Variants in GPR63 observed in about 807,000 individuals in gnomAD.
The protein encoded by GPR63 is G protein-coupled receptor 63, also known as probable G protein-coupled receptor 63.
Under a neutral mutation model 23.1 loss-of-function variants are expected in GPR63, and 12 were observed. That is an observed-to-expected ratio of 0.52 (90% CI 0.33 to 0.84). The LOEUF is 0.84. GPR63 is among the 40% of genes least tolerant of loss of function. The probability of loss-of-function intolerance (pLI) is 0.02; values close to 1 mark genes in which losing one functional copy is unlikely to be tolerated. For missense variants in GPR63, 472 were observed against 515.6 expected (o/e 0.92, Z 0.82); for synonymous variants, 172 against 191.1 (o/e 0.90, Z 0.82).
At chr6:96,814,533 C>T in intron 1 of GPR63, among the ~76,000 whole-genome samples, 1 of 152,162 alleles carries the variant, frequency 6.6e-6, no homozygotes, top group East Asian at 1.9e-4. Flanking sequence ...TGCTGCCAAT[C>T]ACACAGCTGG....
rs1273199839 is a variant in GPR63, at chr6:96,795,058, T to C, written c.*3414A>G. On this transcript the variant is annotated 3_prime_UTR_variant, in exon 2 of 2. Transcript: ENST00000229955. ...GTTTCCTGAAGAGTTTCCCAGGGAC[T>C]ACCTGAGCCAGAGTCAGGCAGAGTG... 5 of 152,214 alleles carry C rather than the reference T, an allele frequency of 3.3e-5. No homozygotes were observed. 9.4% of individuals were successfully genotyped at this position (152,214 alleles called of 1,614,324 possible).
At chr6:96,816,421 C>T (rs1343975940) in intron 1 of GPR63, among the ~76,000 whole-genome samples, 2 of 152,134 alleles carry the variant, frequency 1.3e-5, no homozygotes, top group Non-Finnish European at 2.9e-5. Context: ...GAGACTTCCG[C>T]TTCTAGCAAA....
chr6:96,815,975 T>C (rs1207442548), intron 1 of GPR63, among the ~76,000 whole-genome samples: 1 of 152,074 alleles, frequency 6.6e-6, no homozygotes, highest in Non-Finnish European at 1.5e-5. Context: ...CAAGACAGAA[T>C]ACAAAAGAAA....
At chr6:96,807,433 T>C (rs1773924948) in intron 1 of GPR63, among the ~76,000 whole-genome samples, 1 of 152,116 alleles carries the variant, frequency 6.6e-6, no homozygotes, top group African/African-American at 2.4e-5. Flanking sequence ...TGGTGACGAG[T>C]GGATTACATG....
At chr6:96,827,347 A>T (rs1774468896) in intron 1 of GPR63, among the ~76,000 whole-genome samples, 1 of 152,104 alleles carries the variant, frequency 6.6e-6, no homozygotes, top group Admixed American at 6.5e-5. Context: ...TTCCAAATAC[A>T]ATCAAGCGAA....
At chr6:96,814,055 G>GA (rs908718438) in intron 1 of GPR63, among the ~76,000 whole-genome samples, 2 of 151,934 alleles carry the variant, frequency 1.3e-5, no homozygotes, top group African/African-American at 4.8e-5. Context: ...CAAAGCAAAA[G>GA]AAAAAAATAC....
chr6:96,816,643 T>C (rs1774171970), intron 1 of GPR63, among the ~76,000 whole-genome samples: 1 of 152,234 alleles, frequency 6.6e-6, no homozygotes, highest in Non-Finnish European at 1.5e-5. Flanking sequence ...TCTGAAATGC[T>C]AGCTCAGAGG....
At chr6:96,822,047 C>A (rs933197218) in intron 1 of GPR63, among the ~76,000 whole-genome samples, 3 of 151,750 alleles carry the variant, frequency 2.0e-5, no homozygotes, top group Non-Finnish European at 4.4e-5. Context: ...CATACACACA[C>A]ACACTTAAAA....
chr6:96,825,204 A>G (rs1774409590), intron 1 of GPR63, among the ~76,000 whole-genome samples: 1 of 152,140 alleles, frequency 6.6e-6, no homozygotes, highest in African/African-American at 2.4e-5. Flanking sequence ...TATATATTCA[A>G]TTAGGGCGGG....
chr6:96,826,184 T>C (rs886818831), intron 1 of GPR63, among the ~76,000 whole-genome samples: 12 of 152,236 alleles, frequency 7.9e-5, no homozygotes, highest in Admixed American at 3.9e-4. Flanking sequence ...TGGGTGGCTT[T>C]TTAACTTTAC....
At position 96,822,202 on chromosome 6, in the gene GPR63, C is replaced by T. The variant is rs544649494; in HGVS notation, c.-151+15066G>A. Among the ~76,000 whole-genome samples the T allele has an allele frequency of 1.2e-4, 18 of 151,994 alleles. No homozygotes were observed. In the South Asian group the frequency reaches 3.7e-3, roughly 32 times the overall value. ...ATGAGTGGGAAACCAGAAAATAACA[C>T]AAGGGAAACATCACTGAAATAAAGA... On this transcript the variant is annotated intron_variant, in intron 1 of 1. Coordinates refer to ENST00000229955, the MANE Select transcript of GPR63 (RefSeq NM_030784.4).
rs537307373 is a variant in GPR63 at position 96,826,821 on chromosome 6, C to T, written c.-151+10447G>A. ...TATATTTTATTGCATGAAGAAAATA[C>T]ATCATGGAAAAAAGAAAATAATCTC... On this transcript the variant is annotated intron_variant, in intron 1 of 1. Coordinates refer to ENST00000229955, the MANE Select transcript of GPR63 (RefSeq NM_030784.4). Among the ~76,000 whole-genome samples, 3 of 151,970 alleles carry T rather than the reference C, an allele frequency of 2.0e-5. No homozygotes were observed. In the South Asian group the frequency reaches 6.2e-4, roughly 32 times the overall value.
In GPR63 at chr6:96,799,296, G is replaced by A. The variant is rs371511856; in HGVS notation, c.436C>T (p.Arg146Ter). The A allele has an allele frequency of 1.1e-5, 17 of 1,613,912 alleles. No homozygotes were observed. The highest frequency in any genetic ancestry group is 1.7e-5 in the Admixed American group (1 of 59,974). ...CAGAAGAATTTCCCAAAAATCCATC[G>A]GGTAGTAAGAATAGTTACCAGGGCA... is the stretch of plus-strand genomic sequence containing the variant. Reference protein sequence around the residue: ...PFALVTILTTRWIFGKFFCRV... With the variant: ...PFALVTILTT The change falls in exon 2 of 2, where the codon CGA becomes TGA. Residue 146 changes from arginine (R) to a stop codon, truncating the protein, a stop_gained. Coordinates refer to ENST00000229955, the MANE Select transcript of GPR63 (RefSeq NM_030784.4). LOFTEE classifies it high-confidence loss of function.
At position 96,825,841 on chromosome 6, in the gene GPR63, T is replaced by C. The variant is rs1435402896; in HGVS notation, c.-151+11427A>G. 2.0e-5 allele frequency among the ~76,000 whole-genome samples: 3 copies of C among 152,178 alleles called. No homozygotes were observed. The East Asian group carries it at 5.8e-4, about 29-fold the overall frequency. ...CTTCATTTACTACTATACTTGCTTT[T>C]ATTGTTAACCTACAGCAACTGAGTA... On this transcript the variant is annotated intron_variant, in intron 1 of 1. Coordinates refer to ENST00000229955, the MANE Select transcript of GPR63 (RefSeq NM_030784.4).
intron 1 of GPR63, among the ~76,000 whole-genome samples, chr6:96,810,628 A>C (rs910750860): frequency 2.0e-5 from 3 of 152,208 alleles, no homozygotes; most frequent in African/African-American, 4.8e-5. Flanking sequence ...ATACTAAAAA[A>C]AAAAGAAAAA....
intron 1 of GPR63, among the ~76,000 whole-genome samples, chr6:96,824,499 A>C (rs1774388914): frequency 6.6e-6 from 1 of 151,914 alleles, no homozygotes; most frequent in Non-Finnish European, 1.5e-5. Context: ...TACTCCAAGT[A>C]AAAGGGCTAC....
In GPR63 at chr6:96,798,663, G is replaced by A. The variant is rs376641353; in HGVS notation, c.1069C>T (p.Leu357=). The A allele has an allele frequency of 2.5e-6, 4 of 1,614,104 alleles. No individual in the cohort carries two copies. In the African/African-American group the frequency reaches 4.0e-5, roughly 16 times the overall value. The change falls in exon 2 of 2, where the codon CTG becomes TTG. Residue 357 remains leucine (L), a synonymous_variant. Transcript: ENST00000229955. Reference sequence around the variant, plus strand: ...GCAGACTTGAGGTAGCAGAGCCACAGTAGCCAGGTGCTAATCTCAAAAAAG... The same window carrying A: ...GCAGACTTGAGGTAGCAGAGCCACAATAGCCAGGTGCTAATCTCAAAAAAG... ...HNFFEISTWL[L]WLCYLKSALN...
At chr6:96,827,849 C>G (rs1167142736) in intron 1 of GPR63, among the ~76,000 whole-genome samples, 5 of 151,984 alleles carry the variant, frequency 3.3e-5, no homozygotes, top group Non-Finnish European at 7.4e-5. Flanking sequence ...CACACACACA[C>G]TCAGTAAAGG....
At chr6:96,820,338 G>A (rs1687189904) in intron 1 of GPR63, among the ~76,000 whole-genome samples, 1 of 152,138 alleles carries the variant, frequency 6.6e-6, no homozygotes, top group African/African-American at 2.4e-5. Context: ...AATGGCAATT[G>A]TTAAGTAAGT....
Sources: allele counts gnomAD v4.1 joint callset (sites outside exome capture counted in the v4.1 genomes callset), GRCh38; gene constraint gnomAD v4.1.1; transcripts MANE v1.5; gene names NCBI Gene and HGNC (gene_info 2026-07-23, HGNC 2026-07-21).